Variants in CAMKK2 observed in about 807,000 individuals in gnomAD.
The protein encoded by CAMKK2 is calcium/calmodulin-dependent protein kinase kinase 2.
CAMKK2 carries 30 observed loss-of-function variants against 67.2 expected under a neutral mutation model. The ratio of observed to expected loss-of-function variants is 0.45; its 90% CI spans 0.33 to 0.61. The LOEUF (loss-of-function observed/expected upper bound fraction) is 0.61. CAMKK2 is among the 20% of genes least tolerant of loss of function. The pLI is 0.02. For missense variants in CAMKK2, 643 were observed against 802.0 expected, an observed-to-expected ratio of 0.80 and a Z score of 2.39; for synonymous variants, 322 against 326.2, an observed-to-expected ratio of 0.99 and a Z score of 0.14.
At chr12:121,273,946 C>T (rs186174210) in intron 2 of CAMKK2, 110 bp downstream of exon 2, 33 of 871,874 alleles carry the variant, frequency 3.8e-5, no homozygotes, top group African/African-American at 2.7e-4. Flanking sequence ...CTAGGTCAAC[C>T]GTGGCACTCA....
chr12:121,254,768 C>T (rs945943676), intron 9 of CAMKK2, among the ~76,000 whole-genome samples: 3 of 152,190 alleles, frequency 2.0e-5, no homozygotes, highest in African/African-American at 7.2e-5. Context: ...TGGACCATGG[C>T]CATAGGGTGG....
rs201000982 is a variant in CAMKK2, at chr12:121,274,460, T to C, written c.67A>G (p.Arg23Gly). Reference sequence around the variant, plus strand: ...TGGCTTTCGCTGCTGCTGCTGCCCCTGCCCCCCAGCTCATCCTGGGGGGCG... The same window carrying C: ...TGGCTTTCGCTGCTGCTGCTGCCCCCGCCCCCCAGCTCATCCTGGGGGGCG... Reference protein sequence around the residue: ...RAAPQDELGGRGSSSSESQKP... With the variant: ...RAAPQDELGGGGSSSSESQKP... Residue 23 changes from arginine (R) to glycine (G), a missense_variant, in exon 2 of 17, where the codon AGG (arginine) becomes GGG (glycine). Physicochemically the swap from Arg to Gly is moderately radical, Grantham distance 125 (BLOSUM62 -2). This residue lies in a region of CAMKK2 where 483 missense variants were observed against 625.8 expected (regional missense o/e 0.77). Coordinates refer to ENST00000404169, the MANE Select transcript of CAMKK2 (RefSeq NM_001270485.2). 1.2e-4 allele frequency: 187 copies of C among 1,612,902 alleles called. No homozygotes were observed. The African/African-American group carries it at 2.2e-3, about 19-fold the overall frequency.
intron 16 of CAMKK2, among the ~76,000 whole-genome samples, chr12:121,241,188 C>T (rs1178909867): frequency 6.6e-6 from 1 of 152,192 alleles, no homozygotes; most frequent in African/African-American, 2.4e-5. Flanking sequence ...AGGCACCCCC[C>T]ACCCCACGGC....
chr12:121,255,264 T>TTATATATATATAATTATATATATAATTA (rs1891773379), intron 9 of CAMKK2, among the ~76,000 whole-genome samples: 1 of 8,300 alleles, frequency 1.2e-4, no homozygotes, highest in Admixed American at 2.5e-3. Context: ...ATATATAATT[T>TTATATATATATAATTATATATATAATTA]TATATATATA....
chr12:121,265,437 G>A (rs1043075260), intron 5 of CAMKK2, among the ~76,000 whole-genome samples: 4 of 152,068 alleles, frequency 2.6e-5, no homozygotes, highest in Admixed American at 2.0e-4. Context: ...GAGGTGCTAC[G>A]GTCAGGATGT....
Position 121,268,693 on chromosome 12 carries a change from C to T in CAMKK2, c.574-4G>A, listed in dbSNP as rs1245023986. 2.5e-6 allele frequency: 4 copies of T among 1,613,574 alleles called. No individual in the cohort carries two copies. The highest frequency in any genetic ancestry group is 8.5e-7 in the Non-Finnish European group (1 of 1,179,674). On this transcript the variant is annotated splice_polypyrimidine_tract_variant and splice_region_variant and intron_variant, in intron 4 of 16. Coordinates refer to ENST00000404169, the MANE Select transcript of CAMKK2 (RefSeq NM_001270485.2). Reference sequence around the variant, plus strand: ...TTTTGGACAGCACCTTCATTGCCTGCAGGAAAATGAAGGACAGCACCTTTA... The same window carrying T: ...TTTTGGACAGCACCTTCATTGCCTGTAGGAAAATGAAGGACAGCACCTTTA...
At chr12:121,251,753 G>A (rs564819379) in intron 11 of CAMKK2, among the ~76,000 whole-genome samples, 25 of 151,258 alleles carry the variant, frequency 1.7e-4, no homozygotes, top group African/African-American at 6.1e-4. Flanking sequence ...CTTGAACCCG[G>A]GAGGCGGAGG....
In CAMKK2 at chr12:121,274,153, G is replaced by T. The variant is rs1264419857; in HGVS notation, c.374C>A (p.Ser125Tyr). The T allele has an allele frequency of 6.3e-7, 1 of 1,594,076 alleles. No homozygotes were observed. ...LDMNGRCICP[S>Y]LPYSPVSSPQ... ...GGAGCTGACGGGTGAGTAGGGCAGG[G>T]ACGGGCAGATGCAGCGTCCGTTCAT... is the stretch of plus-strand genomic sequence containing the variant. Residue 125 changes from serine to tyrosine, a missense_variant, in exon 2 of 17, where the codon TCC becomes TAC. Physicochemically the swap from Ser to Tyr is moderately radical, Grantham distance 144 (BLOSUM62 -2). Transcript: ENST00000404169.
intron 6 of CAMKK2, among the ~76,000 whole-genome samples, chr12:121,261,535 A>G (rs1893461595): frequency 6.6e-6 from 1 of 152,200 alleles, no homozygotes; most frequent in African/African-American, 2.4e-5. Flanking sequence ...TCAATAAGAC[A>G]ACAGGCCCCA....
chr12:121,279,639 G>A (rs1201837172), intron 1 of CAMKK2, among the ~76,000 whole-genome samples: 1 of 152,216 alleles, frequency 6.6e-6, no homozygotes, highest in African/African-American at 2.4e-5. Flanking sequence ...AGCGTGAGAG[G>A]AGGACTTTTT....
intron 8 of CAMKK2, 28 bp downstream of exon 8, chr12:121,255,755 C>T: frequency 3.7e-6 from 6 of 1,613,102 alleles, no homozygotes; most frequent in Non-Finnish European, 5.1e-6. Context: ...CTTCTTGCAT[C>T]ACCCCTGCTG....
At chr12:121,265,815 A>G (rs2393844) in intron 5 of CAMKK2, among the ~76,000 whole-genome samples, 140,711 of 151,606 alleles carry the variant, frequency 0.93, 65,517 homozygotes, top group East Asian at 1. Flanking sequence ...CCAAGATAGC[A>G]CCACTGTACT....
intron 3 of CAMKK2, among the ~76,000 whole-genome samples, chr12:121,270,545 T>G (rs1022042594): frequency 2.0e-5 from 3 of 152,064 alleles, no homozygotes; most frequent in African/African-American, 7.3e-5. Flanking sequence ...CTACTGGCAT[T>G]TGGAGTTTTG....
chr12:121,273,359 C>A (rs757406478), intron 2 of CAMKK2, among the ~76,000 whole-genome samples: 8 of 151,996 alleles, frequency 5.3e-5, no homozygotes, highest in Non-Finnish European at 8.8e-5. Context: ...AAGGCAGGAA[C>A]AGAGGGAGCT....
chr12:121,268,474 A>G (rs149646916), intron 5 of CAMKK2, among the ~76,000 whole-genome samples, 164 bp downstream of exon 5: 121 of 152,204 alleles, frequency 7.9e-4, no homozygotes, highest in Non-Finnish European at 1.4e-3. Context: ...GGCTCACTGC[A>G]AACTCCTCCT....
At chr12:121,275,519 G>A (rs1057109369) in intron 1 of CAMKK2, among the ~76,000 whole-genome samples, 10 of 151,240 alleles carry the variant, frequency 6.6e-5, no homozygotes, top group Admixed American at 6.6e-4. Flanking sequence ...AGGTCGGGGG[G>A]AATCAAGTAT....
At position 121,296,463 on chromosome 12, in the gene CAMKK2, G is replaced by T. The variant is rs1010523630; in HGVS notation, c.-60+175C>A. On this transcript the variant is annotated intron_variant, in intron 1 of 16. Transcript: ENST00000404169. This position sits in a 1 kb window ranked among gnomAD's most constrained non-coding sequence, Gnocchi z 7.1. ...TGTCGGGGACCGTGTCCCTCCACGT[G>T]GCGGGGCGTGGGGAGGCGCACGTGG... is the stretch of plus-strand genomic sequence containing the variant. Among the ~76,000 whole-genome samples, 1 of 152,266 alleles carries T rather than the reference G, an allele frequency of 6.6e-6. No homozygotes were observed. Among genetic ancestry groups the T allele is most frequent in the East Asian group, 1.9e-4 (1 of 5,162 alleles).
At chr12:121,289,218 T>C (rs993517795) in intron 1 of CAMKK2, among the ~76,000 whole-genome samples, 1 of 151,990 alleles carries the variant, frequency 6.6e-6, no homozygotes. Context: ...AGCAAAACTT[T>C]GGCTTTTCTC....
At chr12:121,292,176 A>G (rs1900166833) in intron 1 of CAMKK2, among the ~76,000 whole-genome samples, 1 of 151,332 alleles carries the variant, frequency 6.6e-6, no homozygotes, top group Non-Finnish European at 1.5e-5. Flanking sequence ...CCCAGGCAGG[A>G]GTGCAGTGGC....
Sources: allele counts gnomAD v4.1 joint callset (sites outside exome capture counted in the v4.1 genomes callset), GRCh38; gene constraint gnomAD v4.1.1; regional missense constraint gnomAD v4.1.1; non-coding constraint Gnocchi (gnomAD v3.1); transcripts MANE v1.5; gene names NCBI Gene and HGNC (gene_info 2026-07-23, HGNC 2026-07-21).